Variants in ATRNL1 observed in about 807,000 individuals in gnomAD.
ATRNL1 encodes the protein attractin-like protein 1.
A neutral mutation model predicts 182.7 loss-of-function variants in ATRNL1; 95 were observed. The observed-to-expected ratio is 0.52, with a 90% confidence interval of 0.44 to 0.62. ATRNL1 has a LOEUF of 0.62. Ranked by LOEUF, ATRNL1 falls within the 20% of genes least tolerant of loss-of-function variation. ATRNL1 has a pLI of 0.00. For missense variants in ATRNL1, 1,471 were observed against 1,679.5 expected (o/e 0.88, Z 2.17); for synonymous variants, 576 against 568.3 (o/e 1.01, Z -0.19).
At chr10:115,367,841 G>T (rs531387417) in intron 19 of ATRNL1, among the ~76,000 whole-genome samples, 82 of 147,554 alleles carry the variant, frequency 5.6e-4, no homozygotes, top group African/African-American at 2.0e-3. Flanking sequence ...CGGGGGTCAG[G>T]GGTCAGGGAC....
intron 13 of ATRNL1, among the ~76,000 whole-genome samples, chr10:115,275,614 G>A (rs1852070157): frequency 6.6e-6 from 1 of 152,096 alleles, no homozygotes; most frequent in Non-Finnish European, 1.5e-5. Flanking sequence ...AATTATTCCT[G>A]TTGCATTTAT....
chr10:115,368,294 G>GC (rs1857179715), intron 19 of ATRNL1, among the ~76,000 whole-genome samples: 1 of 152,288 alleles, frequency 6.6e-6, no homozygotes, highest in South Asian at 2.1e-4. Context: ...TTTTCCAGGT[G>GC]CGTCCGTCAC....
chr10:115,548,082 AT>A (rs1852768910), intron 25 of ATRNL1, among the ~76,000 whole-genome samples: 1 of 152,196 alleles, frequency 6.6e-6, no homozygotes, highest in Admixed American at 6.5e-5. Flanking sequence ...AAGTAGCTGG[AT>A]TTGTATTTTG....
At chr10:115,109,978 A>G (rs1347413188) in intron 1 of ATRNL1, among the ~76,000 whole-genome samples, 1 of 152,210 alleles carries the variant, frequency 6.6e-6, no homozygotes, top group African/African-American at 2.4e-5. Flanking sequence ...GACTTGTTAA[A>G]AAATAATTTC....
At chr10:115,427,845 G>A (rs182433471) in intron 21 of ATRNL1, among the ~76,000 whole-genome samples, 19 of 150,654 alleles carry the variant, frequency 1.3e-4, no homozygotes, top group Non-Finnish European at 2.2e-4. Context: ...TCCTGAAATC[G>A]GTTAGTATTT....
At chr10:115,388,784 T>G (rs1843810627) in intron 19 of ATRNL1, among the ~76,000 whole-genome samples, 1 of 152,078 alleles carries the variant, frequency 6.6e-6, no homozygotes, top group South Asian at 2.1e-4. Flanking sequence ...ATTACTCACC[T>G]TTGTTTTTAT....
intron 26 of ATRNL1, among the ~76,000 whole-genome samples, chr10:115,699,657 GTTTA>G (rs543944451): frequency 3.1e-4 from 47 of 152,114 alleles, no homozygotes; most frequent in East Asian, 7.7e-4. Context: ...TTATTTGTTT[GTTTA>G]TTTATTTATT....
At chr10:115,627,857 A>T (rs908831177) in intron 26 of ATRNL1, among the ~76,000 whole-genome samples, 6 of 151,988 alleles carry the variant, frequency 3.9e-5, no homozygotes, top group African/African-American at 1.2e-4. Flanking sequence ...TCTATTTTTA[A>T]CTTTTTGAGG....
intron 26 of ATRNL1, among the ~76,000 whole-genome samples, chr10:115,604,688 C>T (rs1856783696): frequency 6.6e-6 from 1 of 151,932 alleles, no homozygotes; most frequent in Admixed American, 6.6e-5. Context: ...TGCTGCAAGA[C>T]AGACAACAAG....
chr10:115,813,180 A>G (rs1435459031), intron 27 of ATRNL1, among the ~76,000 whole-genome samples: 1 of 152,136 alleles, frequency 6.6e-6, no homozygotes, highest in Non-Finnish European at 1.5e-5. Context: ...ACATGTATAC[A>G]TATGTAACAA....
chr10:115,286,461 T>G (rs1852618601), intron 15 of ATRNL1, 64 bp downstream of exon 15: 2 of 1,128,142 alleles, frequency 1.8e-6, no homozygotes, highest in Non-Finnish European at 2.4e-6. Context: ...TATTTGAAAT[T>G]TTTTTTTGGT....
chr10:115,685,219 A>G (rs1336435981), intron 26 of ATRNL1, among the ~76,000 whole-genome samples: 2 of 151,764 alleles, frequency 1.3e-5, no homozygotes, highest in African/African-American at 4.8e-5. Context: ...GAGATTTTAA[A>G]AATACCCTTT....
intron 28 of ATRNL1, among the ~76,000 whole-genome samples, chr10:115,872,641 T>C (rs1214034740): frequency 6.6e-6 from 1 of 152,208 alleles, no homozygotes; most frequent in African/African-American, 2.4e-5. Flanking sequence ...TAAGCAAGGC[T>C]AAAAGTCATG....
chr10:115,096,634 T>A, intron 1 of ATRNL1: 1 of 1,287,300 alleles, frequency 7.8e-7, no homozygotes, highest in Non-Finnish European at 1.0e-6. Flanking sequence ...TTAGCTTTTT[T>A]TCTACTATAG....
At chr10:115,515,469 G>A (rs1191488577) in intron 24 of ATRNL1, among the ~76,000 whole-genome samples, 5 of 151,560 alleles carry the variant, frequency 3.3e-5, no homozygotes, top group Non-Finnish European at 5.9e-5. Context: ...AGTTAAGCTT[G>A]TTTTGGCCAT....
intron 26 of ATRNL1, among the ~76,000 whole-genome samples, chr10:115,558,929 A>G (rs1038193256): frequency 1.3e-5 from 2 of 152,050 alleles, no homozygotes; most frequent in South Asian, 4.2e-4. Flanking sequence ...TGCAGATGCT[A>G]TATTCCAGAC....
chr10:115,685,462 A>T (rs187791241), intron 26 of ATRNL1, among the ~76,000 whole-genome samples: 1 of 151,796 alleles, frequency 6.6e-6, no homozygotes, highest in African/African-American at 2.4e-5. Context: ...CAGTTCTGGC[A>T]TATAATAAGT....
chr10:115,113,082 A>C (rs1554868650), intron 1 of ATRNL1, among the ~76,000 whole-genome samples: 2 of 152,214 alleles, frequency 1.3e-5, no homozygotes, highest in African/African-American at 4.8e-5. Flanking sequence ...AATGGCTACC[A>C]GGAGGTAGAA....
At chr10:115,182,971 C>T (rs554800920) in intron 8 of ATRNL1, among the ~76,000 whole-genome samples, 3 of 151,398 alleles carry the variant, frequency 2.0e-5, no homozygotes, top group African/African-American at 4.8e-5. Context: ...GGATGTATAG[C>T]GAACAATACA....
Sources: allele counts gnomAD v4.1 joint callset (sites outside exome capture counted in the v4.1 genomes callset), GRCh38; gene constraint gnomAD v4.1.1; transcripts MANE v1.5; gene names NCBI Gene and HGNC (gene_info 2026-07-23, HGNC 2026-07-21).